Variants in CNGB3 observed in about 807,000 individuals in gnomAD.
CNGB3 encodes cyclic nucleotide gated channel subunit beta 3.
In CNGB3, 86 loss-of-function variants were observed where a neutral mutation model predicts 92.8. The observed-to-expected ratio is 0.93, with a 90% CI of 0.78 to 1.11. The LOEUF (loss-of-function observed/expected upper bound fraction) is 1.11. CNGB3 is among the 50% of genes least tolerant of loss of function. The probability of loss-of-function intolerance (pLI) is 0.00; values close to 1 mark genes in which losing one functional copy is unlikely to be tolerated. For synonymous variants in CNGB3, 333 were observed against 332.7 expected (o/e 1.00, Z -0.01); for missense variants, 1,026 against 956.8 (o/e 1.07, Z -0.95).
In CNGB3 at chr8:86,626,121, T is replaced by C. The variant is rs541700873; in HGVS notation, c.1481-41A>G. ...CACATCAAACCCCGATGCAGAATAATTAATGAAATAAGTCACCAAGGTACA... is the reference window on the plus strand; with the variant it reads ...CACATCAAACCCCGATGCAGAATAACTAATGAAATAAGTCACCAAGGTACA... On this transcript the variant is annotated intron_variant, in intron 12 of 17. Coordinates refer to ENST00000320005, the MANE Select transcript of CNGB3 (RefSeq NM_019098.5). 11 of 1,474,596 alleles carry C rather than the reference T, an allele frequency of 7.5e-6. No homozygotes were observed. In the East Asian group the frequency reaches 2.3e-4, roughly 30 times the overall value. The allele number at this position is 1,474,596 out of a possible 1,614,324, so 91.3% of individuals were successfully genotyped here.
At chr8:86,630,036 C>G (rs1057303199) in intron 11 of CNGB3, among the ~76,000 whole-genome samples, 1 of 152,128 alleles carries the variant, frequency 6.6e-6, no homozygotes, top group Non-Finnish European at 1.5e-5. Context: ...TGGAGTCTAG[C>G]TCAAATGGCT....
intron 5 of CNGB3, 104 bp downstream of exon 5, chr8:86,667,915 A>G: frequency 1.6e-6 from 2 of 1,243,120 alleles, no homozygotes; most frequent in Non-Finnish European, 2.4e-6. Context: ...AGTTAGATTG[A>G]GAATATGAAG....
chr8:86,702,825 A>G (rs575938312), intron 3 of CNGB3, among the ~76,000 whole-genome samples: 36 of 152,028 alleles, frequency 2.4e-4, no homozygotes, highest in South Asian at 4.1e-4. Flanking sequence ...TAATATATAT[A>G]TTAAGTATTT....
At chr8:86,667,441 A>G (rs113830766) in intron 5 of CNGB3, among the ~76,000 whole-genome samples, 2 of 152,332 alleles carry the variant, frequency 1.3e-5, no homozygotes, top group African/African-American at 4.8e-5. Context: ...GAATTTCAAG[A>G]AAAGTTGGAA....
In CNGB3 at chr8:86,631,910, A is replaced by G. The variant is rs373785177; in HGVS notation, c.1320+842T>C. On this transcript the variant is annotated intron_variant, in intron 11 of 17. Transcript: ENST00000320005. The stretch of plus-strand genomic sequence containing the variant: ...TTGCTTGTTTCTCCCACGGTTAGAG[A>G]TGGTGGCCAAATCTCCTGAGAGTGT... 9.2e-5 allele frequency among the ~76,000 whole-genome samples: 14 copies of G among 152,254 alleles called. No individual in the cohort carries two copies. The South Asian group carries it at 2.9e-3, about 32-fold the overall frequency.
intron 3 of CNGB3, among the ~76,000 whole-genome samples, chr8:86,689,547 T>C (rs1824263668): frequency 7.1e-6 from 1 of 140,582 alleles, no homozygotes; most frequent in Admixed American, 6.8e-5. Context: ...TCTTTATTTT[T>C]TTATTTTTAT....
chr8:86,643,591 T>C (rs1259060719), intron 10 of CNGB3, among the ~76,000 whole-genome samples, 160 bp downstream of exon 10: 1 of 151,280 alleles, frequency 6.6e-6, no homozygotes, highest in East Asian at 1.9e-4. Context: ...TCCATTTTGG[T>C]GCAAATGACA....
At chr8:86,673,937 G>A (rs1034077930) in intron 3 of CNGB3, among the ~76,000 whole-genome samples, 1 of 152,168 alleles carries the variant, frequency 6.6e-6, no homozygotes, top group Admixed American at 6.5e-5. Context: ...TATTTGAAGT[G>A]ATTTATGTGT....
At chr8:86,667,913 T>C in intron 5 of CNGB3, 106 bp downstream of exon 5, 1 of 1,221,604 alleles carries the variant, frequency 8.2e-7, no homozygotes, top group Non-Finnish European at 1.2e-6. Flanking sequence ...CTAGTTAGAT[T>C]GAGAATATGA....
Position 86,735,042 on chromosome 8 carries a change from G to GGTTTTTTTTTTT in CNGB3, c.211+4612_211+4613insAAAAAAAAAAAC, listed in dbSNP as rs1554618958. On this transcript the variant is annotated intron_variant, in intron 2 of 17. Transcript: ENST00000320005. ...CATGTCAAATTCTCAAATGCCGGTG[G>GGTTTTTTTTTTT]TTTTTTTTTTTTTTTTTTTTTTTTT... Among the ~76,000 whole-genome samples, 38 of 85,868 alleles carry GGTTTTTTTTTTT rather than the reference G, an allele frequency of 4.4e-4. 8 individuals carry two copies. The highest frequency in any genetic ancestry group is 1.6e-3 in the South Asian group (4 of 2,488). The allele number at this position is 85,868 out of a possible 152,430, so 56.3% of individuals were successfully genotyped here. A position where few individuals can be genotyped will look rare whatever the true frequency, so the allele number is the denominator to read the frequency against.
rs143475066 is a variant in CNGB3, at chr8:86,716,934, A to G, written c.338+9597T>C. 7.3e-4 allele frequency among the ~76,000 whole-genome samples: 111 copies of G among 152,348 alleles called. 3 individuals carry two copies. In the East Asian group the frequency reaches 0.021, roughly 28 times the overall value. ...TAAAATATACAGAATGGCAGAATGG[A>G]TAATAATTCACCAACAAAGTGTCTG... On this transcript the variant is annotated intron_variant, in intron 3 of 17. Coordinates refer to ENST00000320005, the MANE Select transcript of CNGB3 (RefSeq NM_019098.5).
At chr8:86,711,831 CTCTCTATA>C (rs1368472983) in intron 3 of CNGB3, among the ~76,000 whole-genome samples, 2 of 125,110 alleles carry the variant, frequency 1.6e-5, no homozygotes, top group Non-Finnish European at 3.5e-5. Context: ...CTCTCTCTCT[CTCTCTATA>C]TATATATATA....
intron 3 of CNGB3, among the ~76,000 whole-genome samples, chr8:86,718,301 T>C (rs1272760008): frequency 6.6e-6 from 1 of 151,966 alleles, no homozygotes; most frequent in Non-Finnish European, 1.5e-5. Flanking sequence ...CAAGAGAAGA[T>C]TCAAACAAGC....
intron 15 of CNGB3, among the ~76,000 whole-genome samples, chr8:86,591,861 G>T (rs1279911799): frequency 5.3e-5 from 8 of 152,216 alleles, no homozygotes; most frequent in Non-Finnish European, 1.2e-4. Flanking sequence ...GCTGTGGTGG[G>T]CTCCACCCAG....
intron 8 of CNGB3, among the ~76,000 whole-genome samples, chr8:86,646,234 G>A (rs1823290424): frequency 6.6e-6 from 1 of 151,074 alleles, no homozygotes. Flanking sequence ...TAGATTGCTT[G>A]GAACATTATT....
At chr8:86,589,370 C>G (rs1585951508) in intron 15 of CNGB3, among the ~76,000 whole-genome samples, 1 of 148,074 alleles carries the variant, frequency 6.8e-6, no homozygotes, top group African/African-American at 2.5e-5. Flanking sequence ...TTATTTCTCG[C>G]CTTCTGCTAG....
At chr8:86,600,893 G>C (rs4268141) in intron 15 of CNGB3, among the ~76,000 whole-genome samples, 97,858 of 149,290 alleles carry the variant, frequency 0.66, 34,326 homozygotes, top group Non-Finnish European at 0.78. Flanking sequence ...GCCTCCCAAC[G>C]TGTTGGGATT....
intron 3 of CNGB3, among the ~76,000 whole-genome samples, chr8:86,692,190 T>C (rs762313192): frequency 6.6e-6 from 1 of 152,232 alleles, no homozygotes; most frequent in Admixed American, 6.5e-5. Context: ...ATGAAAAGAA[T>C]GTATAGTCTG....
At chr8:86,718,336 A>G (rs909195523) in intron 3 of CNGB3, among the ~76,000 whole-genome samples, 7 of 152,190 alleles carry the variant, frequency 4.6e-5, no homozygotes, top group African/African-American at 1.7e-4. Context: ...AACAGGAGAT[A>G]TTACTACTGA....
Sources: allele counts gnomAD v4.1 joint callset (sites outside exome capture counted in the v4.1 genomes callset), GRCh38; gene constraint gnomAD v4.1.1; transcripts MANE v1.5; gene names NCBI Gene and HGNC (gene_info 2026-07-23, HGNC 2026-07-21).